Variants in OPA1 observed in about 807,000 individuals in gnomAD.
OPA1 encodes OPA1 mitochondrial dynamin like GTPase.
Under a neutral mutation model 152.9 loss-of-function variants are expected in OPA1, and 59 were observed. The ratio of observed to expected loss-of-function variants is 0.39; its 90% CI spans 0.31 to 0.48. OPA1 has a LOEUF of 0.48. Among genes scored for constraint, OPA1 ranks in the 20% least tolerant of loss-of-function variants. The pLI, the probability that OPA1 is intolerant of heterozygous loss-of-function variation, is 0.96. For missense variants in OPA1, 1,008 were observed against 1,216.8 expected (o/e 0.83, Z 2.55); for synonymous variants, 400 against 389.9 (o/e 1.03, Z -0.31).
intron 7 of OPA1, among the ~76,000 whole-genome samples, chr3:193,631,394 A>G (rs1732047920): frequency 2.0e-5 from 3 of 152,194 alleles, no homozygotes; most frequent in African/African-American, 7.2e-5. Context: ...TTGCCTTTTA[A>G]GGTTTTTGTT....
intron 1 of OPA1, among the ~76,000 whole-genome samples, chr3:193,593,842 A>T (rs1004889589): frequency 1.3e-5 from 2 of 148,610 alleles, no homozygotes; most frequent in African/African-American, 5.0e-5. Flanking sequence ...TTCCATTTCC[A>T]CGCCATGTGT....
intron 22 of OPA1, 66 bp from the exon 23 acceptor site, chr3:193,657,014 A>G: frequency 7.1e-7 from 1 of 1,400,194 alleles, no homozygotes; most frequent in East Asian, 2.3e-5. Flanking sequence ...AGCTCGTGTT[A>G]TTTTTCATGT....
At chr3:193,680,556 C>CT (rs1425161973) in intron 29 of OPA1, among the ~76,000 whole-genome samples, 1 of 152,186 alleles carries the variant, frequency 6.6e-6, no homozygotes, top group Admixed American at 6.5e-5. Context: ...TCTTATAAAT[C>CT]TGTCTTTGCA....
Position 193,696,173 on chromosome 3 carries a change from AT to A in OPA1, c.*1578del, listed in dbSNP as rs1290798303. 1 of 152,220 alleles carries A rather than the reference AT, an allele frequency of 6.6e-6. No homozygotes were observed. The highest frequency in any genetic ancestry group is 1.5e-5 in the Non-Finnish European group (1 of 68,036). 9.4% of individuals were successfully genotyped at this position (152,220 alleles called of 1,614,324 possible). On this transcript the variant is annotated 3_prime_UTR_variant, in exon 31 of 31. Coordinates refer to ENST00000361510, the MANE Select transcript of OPA1 (RefSeq NM_130837.3). ...TACAGGTTAATGCATGTTAATGAATATTTTTGCAGTTGTAAAGCATAACAAT... is the reference window on the plus strand; with the variant it reads ...TACAGGTTAATGCATGTTAATGAATATTTTGCAGTTGTAAAGCATAACAAT...
intron 7 of OPA1, among the ~76,000 whole-genome samples, chr3:193,627,980 G>T (rs1283401196): frequency 6.6e-6 from 1 of 152,016 alleles, no homozygotes; most frequent in Non-Finnish European, 1.5e-5. Flanking sequence ...AGCAATTTAT[G>T]CTCTTTTATA....
At chr3:193,651,082 G>A (rs1712313006) in intron 21 of OPA1, among the ~76,000 whole-genome samples, 1 of 152,072 alleles carries the variant, frequency 6.6e-6, no homozygotes, top group Admixed American at 6.6e-5. Context: ...AACATAAATG[G>A]GGGCAAGAGG....
At position 193,615,056 on chromosome 3, in the gene OPA1, C is replaced by T. The variant is rs753363709; in HGVS notation, c.351+15C>T. On this transcript the variant is annotated intron_variant, in intron 2 of 30. Transcript: ENST00000361510. ...CAGCCAAAAAGGTGAACTTGACATT[C>T]CTCCTGGTTTTCCAATTATTATATC... 1 of 1,593,158 alleles carries T rather than the reference C, an allele frequency of 6.3e-7. No homozygotes were observed. The highest frequency in any genetic ancestry group is 8.6e-7 in the Non-Finnish European group (1 of 1,160,920).
At position 193,643,318 on chromosome 3, in the gene OPA1, T is replaced by A. The variant is rs139613408; in HGVS notation, c.1306-55T>A. 9,032 of 1,434,148 alleles carry A rather than the reference T, an allele frequency of 6.3e-3. 44 individuals carry two copies. Among genetic ancestry groups the A allele is most frequent in the Non-Finnish European group, 7.0e-3 (7,170 of 1,017,932 alleles). 88.8% of individuals were successfully genotyped at this position (1,434,148 alleles called of 1,614,324 possible). A position where few individuals can be genotyped will look rare whatever the true frequency, so the allele number is the denominator to read the frequency against. ...GAATACATTTCACCAAAAAAAATTCTTGACAAATTCCCCCCAAACTTTAGC... is the reference window on the plus strand; with the variant it reads ...GAATACATTTCACCAAAAAAAATTCATGACAAATTCCCCCCAAACTTTAGC... On this transcript the variant is annotated intron_variant, in intron 13 of 30. Coordinates refer to ENST00000361510, the MANE Select transcript of OPA1 (RefSeq NM_130837.3).
At chr3:193,669,538 A>G (rs758592705) in intron 29 of OPA1, among the ~76,000 whole-genome samples, 14 of 152,126 alleles carry the variant, frequency 9.2e-5, no homozygotes, top group Non-Finnish European at 1.8e-4. Flanking sequence ...ATTTCTCAGG[A>G]TTGTTAGAAT....
At position 193,659,469 on chromosome 3, in the gene OPA1, T is replaced by A. The variant is rs773828534; in HGVS notation, c.2441-13T>A. 2.5e-6 allele frequency: 4 copies of A among 1,578,000 alleles called. No homozygotes were observed. Among genetic ancestry groups the A allele is most frequent in the Non-Finnish European group, 3.5e-6 (4 of 1,153,678 alleles). On this transcript the variant is annotated splice_polypyrimidine_tract_variant and intron_variant, in intron 24 of 30. Coordinates refer to ENST00000361510, the MANE Select transcript of OPA1 (RefSeq NM_130837.3). Reference sequence around the variant, plus strand: ...AGTGATAAAATTCTTGATTAATTAATTTTTTTTTCTAGCTGAAAATGCAAT... The same window carrying A: ...AGTGATAAAATTCTTGATTAATTAAATTTTTTTTCTAGCTGAAAATGCAAT...
rs1168497552 is a variant in OPA1 at position 193,593,421 on chromosome 3, C to T, written c.32+12C>T. 6.5e-7 allele frequency: 1 copy of T among 1,539,386 alleles called. No homozygotes were observed. The highest frequency in any genetic ancestry group is 8.8e-7 in the Non-Finnish European group (1 of 1,139,830). On this transcript the variant is annotated intron_variant, in intron 1 of 30. Transcript: ENST00000361510. ...GCCGCTGTGGCCTGGTAAGTGCAGG[C>T]TCTAATCTGGCCCCGTTAATTCTGG... is the stretch of plus-strand genomic sequence containing the variant.
chr3:193,608,901 T>C (rs1231782185), intron 1 of OPA1, among the ~76,000 whole-genome samples: 2 of 152,212 alleles, frequency 1.3e-5, no homozygotes, highest in African/African-American at 4.8e-5. Flanking sequence ...ATTGGTTGCA[T>C]ATATATTTAG....
chr3:193,684,595 C>T (rs565736542), intron 29 of OPA1, among the ~76,000 whole-genome samples: 7 of 151,600 alleles, frequency 4.6e-5, no homozygotes, highest in African/African-American at 1.2e-4. Flanking sequence ...GGATTACAGG[C>T]GCCCGCCACT....
chr3:193,675,698 A>G (rs1356504659), intron 29 of OPA1, among the ~76,000 whole-genome samples: 1 of 152,206 alleles, frequency 6.6e-6, no homozygotes, highest in East Asian at 1.9e-4. Context: ...CTGTAAATCA[A>G]TGAAAATAAC....
chr3:193,599,146 T>C (rs1726068521), intron 1 of OPA1, among the ~76,000 whole-genome samples: 1 of 152,216 alleles, frequency 6.6e-6, no homozygotes, highest in Admixed American at 6.5e-5. Flanking sequence ...TTTGTTCCCC[T>C]TCTGATTTAC....
rs752258799 is a variant in OPA1 at position 193,614,927 on chromosome 3, A to T, written c.237A>T (p.Lys79Asn). The change falls in exon 2 of 31, where the codon AAA (lysine) becomes AAT (asparagine). Residue 79 changes from lysine (K) to asparagine (N), a missense_variant. Transcript: ENST00000361510. ...GTAAACTGAAATTCTCTCCAATTAA[A>T]TATGGCTACCAGCCTCGCAGGAATT... Reference protein sequence around the residue: ...PLRKLKFSPIKYGYQPRRNFW... With the variant: ...PLRKLKFSPINYGYQPRRNFW... 1.1e-5 allele frequency: 17 copies of T among 1,613,916 alleles called. No homozygotes were observed. Among genetic ancestry groups the T allele is most frequent in the Non-Finnish European group, 8.5e-7 (1 of 1,179,852 alleles).
chr3:193,626,239 C>T (rs773672010), intron 7 of OPA1, 37 bp downstream of exon 7: 2 of 1,403,728 alleles, frequency 1.4e-6, no homozygotes, highest in Non-Finnish European at 2.0e-6. Flanking sequence ...GATACATTCA[C>T]ACTAATCAGC....
rs1722103034 is a variant in OPA1 at position 193,694,730 on chromosome 3, A to T, written c.*130A>T. ...TACAATAAAGTCATGGGATAAAAAT[A>T]ATCGATGTATGTTACGGGCGCTTTA... On this transcript the variant is annotated 3_prime_UTR_variant, in exon 31 of 31. Transcript: ENST00000361510. The T allele has an allele frequency of 6.6e-6, 1 of 152,198 alleles. No homozygotes were observed. Among genetic ancestry groups the T allele is most frequent in the South Asian group, 2.1e-4 (1 of 4,832 alleles). The allele number at this position is 152,198 out of a possible 1,614,324, so 9.4% of individuals were successfully genotyped here.
At chr3:193,617,134 A>G (rs1462790234) in intron 3 of OPA1, 44 bp from the exon 4 acceptor site, 7 of 1,158,510 alleles carry the variant, frequency 6.0e-6, no homozygotes, top group Admixed American at 5.1e-5. Flanking sequence ...AGTATCTGAC[A>G]TATTTTCTTA....
Sources: gnomAD v4.1 joint callset for allele counts (sites outside exome capture counted in the v4.1 genomes callset) on GRCh38, gnomAD v4.1.1 for gene constraint, MANE v1.5 for transcripts, NCBI Gene and HGNC (gene_info 2026-07-23, HGNC 2026-07-21) for gene names.